Variants in DLG2 observed in about 807,000 individuals in gnomAD.
DLG2 encodes the protein disks large homolog 2.
DLG2 carries 45 observed loss-of-function variants against 132.5 expected under a neutral mutation model. The ratio of observed to expected loss-of-function variants is 0.34; its 90% CI spans 0.27 to 0.44. DLG2 has a LOEUF of 0.44. Among genes scored for constraint, DLG2 ranks in the 20% least tolerant of loss-of-function variants. The pLI is 1.00. For missense variants in DLG2, 1,045 were observed against 1,196.9 expected, an observed-to-expected ratio of 0.87 and a Z score of 1.87; for synonymous variants, 424 against 419.6, an observed-to-expected ratio of 1.01 and a Z score of -0.13.
chr11:85,344,439 TA>T (rs765995435), intron 3 of DLG2, among the ~76,000 whole-genome samples: 4 of 152,146 alleles, frequency 2.6e-5, no homozygotes, highest in African/African-American at 4.8e-5. Flanking sequence ...AAGCCCAACA[TA>T]AAGATACGTG....
intron 7 of DLG2, among the ~76,000 whole-genome samples, chr11:84,520,603 C>A (rs758090929): frequency 2.0e-5 from 3 of 152,166 alleles, no homozygotes; most frequent in Non-Finnish European, 4.4e-5. Context: ...ACCACCCAAC[C>A]CTCACTGCCC....
chr11:83,609,588 T>C (rs1263169077), intron 19 of DLG2, among the ~76,000 whole-genome samples: 1 of 152,240 alleles, frequency 6.6e-6, no homozygotes, highest in East Asian at 1.9e-4. Flanking sequence ...TTTCCCATTA[T>C]TGACAACAAC....
rs573693973 is a variant in DLG2 at position 85,376,922 on chromosome 11, T to A, written c.41-91557A>T. ...GTAAATTTTTTCCAATGGGAAAGAA[T>A]ACCCAAGAAAATAATAACACATGTG... On this transcript the variant is annotated intron_variant, in intron 3 of 27. Transcript: ENST00000376104. Among the ~76,000 whole-genome samples the A allele has an allele frequency of 1.9e-4, 29 of 152,280 alleles. 1 individual carries two copies. Among genetic ancestry groups the A allele is most frequent in the African/African-American group, 5.5e-4 (23 of 41,562 alleles).
rs531882649 is a variant in DLG2 at position 84,573,201 on chromosome 11, G to A, written c.358-38470C>T. Among the ~76,000 whole-genome samples, 5 of 152,150 alleles carry A rather than the reference G, an allele frequency of 3.3e-5. No individual in the cohort carries two copies. The East Asian group carries it at 9.6e-4, about 29-fold the overall frequency. On this transcript the variant is annotated intron_variant, in intron 6 of 27. Coordinates refer to ENST00000376104, the MANE Select transcript of DLG2 (RefSeq NM_001142699.3). The stretch of plus-strand genomic sequence containing the variant: ...TGTGGTAAGTGATTTACAAATGTGT[G>A]AGATAATTTTAGTAGCTAAGTAAAT...
chr11:83,738,016 A>T (rs2092136295), intron 18 of DLG2, among the ~76,000 whole-genome samples: 1 of 152,140 alleles, frequency 6.6e-6, no homozygotes, highest in Non-Finnish European at 1.5e-5. Flanking sequence ...GGAACCCCAG[A>T]GGGAAACAAT....
At chr11:84,104,919 T>C (rs2092800453) in intron 9 of DLG2, among the ~76,000 whole-genome samples, 3 of 152,120 alleles carry the variant, frequency 2.0e-5, no homozygotes, top group Admixed American at 2.0e-4. Context: ...ATTCTCTTTT[T>C]ATATATTAGA....
At chr11:84,725,478 T>C (rs1031671474) in intron 6 of DLG2, among the ~76,000 whole-genome samples, 4 of 152,270 alleles carry the variant, frequency 2.6e-5, no homozygotes, top group East Asian at 1.9e-4. Flanking sequence ...AAGTGGAACA[T>C]TGCATTTTTA....
intron 6 of DLG2, among the ~76,000 whole-genome samples, chr11:84,998,966 A>T (rs2057953917): frequency 6.8e-6 from 1 of 147,408 alleles, no homozygotes; most frequent in African/African-American, 2.5e-5. Flanking sequence ...TTAACTTATT[A>T]TTACAATTAT....
At chr11:83,965,227 A>G in intron 13 of DLG2, 97 bp downstream of exon 13, 1 of 1,333,068 alleles carries the variant, frequency 7.5e-7, no homozygotes, top group Non-Finnish European at 1.0e-6. Context: ...GAAGTTAACC[A>G]AGAGGGAAGG....
intron 7 of DLG2, among the ~76,000 whole-genome samples, chr11:84,460,583 T>A (rs1043422265): frequency 6.6e-6 from 1 of 150,686 alleles, no homozygotes; most frequent in Admixed American, 6.6e-5. Context: ...AGTTGATTAA[T>A]ACATCCATGA....
chr11:84,008,897 C>T (rs914288643), intron 11 of DLG2, among the ~76,000 whole-genome samples: 2 of 150,328 alleles, frequency 1.3e-5, no homozygotes, highest in Admixed American at 1.3e-4. Context: ...CATCTAGTGT[C>T]TGTCTTTATC....
At chr11:85,537,775 A>C (rs1466275860) in intron 3 of DLG2, among the ~76,000 whole-genome samples, 1 of 151,942 alleles carries the variant, frequency 6.6e-6, no homozygotes, top group Non-Finnish European at 1.5e-5. Context: ...AACTCTGGAC[A>C]CATCTGAACA....
At chr11:84,835,039 G>C (rs1954976) in intron 6 of DLG2, among the ~76,000 whole-genome samples, 2 of 151,562 alleles carry the variant, frequency 1.3e-5, no homozygotes. Context: ...CAGTGATACA[G>C]CATGCAGAGT....
chr11:84,077,162 A>G (rs916252217), intron 10 of DLG2, among the ~76,000 whole-genome samples: 1 of 152,126 alleles, frequency 6.6e-6, no homozygotes, highest in Non-Finnish European at 1.5e-5. Flanking sequence ...CTACTGTCCT[A>G]TCTCCTTCCT....
chr11:84,843,670 T>C (rs2080999558), intron 6 of DLG2, among the ~76,000 whole-genome samples: 1 of 151,932 alleles, frequency 6.6e-6, no homozygotes, highest in South Asian at 2.1e-4. Flanking sequence ...AAATCATCTC[T>C]AGGTTACTTA....
chr11:85,135,415 G>A (rs2152420397), intron 5 of DLG2, among the ~76,000 whole-genome samples: 1 of 152,312 alleles, frequency 6.6e-6, no homozygotes, highest in Non-Finnish European at 1.5e-5. Context: ...GGATAGCAGA[G>A]TAAGATGAGT....
At chr11:84,357,288 TC>T (rs1298941401) in intron 7 of DLG2, among the ~76,000 whole-genome samples, 2 of 151,996 alleles carry the variant, frequency 1.3e-5, no homozygotes, top group Non-Finnish European at 2.9e-5. Context: ...ACATTACTGT[TC>T]CTATTTTACA....
intron 14 of DLG2, among the ~76,000 whole-genome samples, chr11:83,946,591 C>T (rs1040702104): frequency 2.1e-5 from 3 of 142,450 alleles, no homozygotes; most frequent in Non-Finnish European, 4.6e-5. Context: ...TCTTTCGGTA[C>T]TATAGAATAC....
At chr11:85,378,150 C>A (rs1458512965) in intron 3 of DLG2, among the ~76,000 whole-genome samples, 1 of 152,028 alleles carries the variant, frequency 6.6e-6, no homozygotes, top group South Asian at 2.1e-4. Context: ...TGTCTTTTTT[C>A]TCTTCCTCCA....
Sources: allele counts gnomAD v4.1 joint callset (sites outside exome capture counted in the v4.1 genomes callset), GRCh38; gene constraint gnomAD v4.1.1; transcripts MANE v1.5; gene names NCBI Gene and HGNC (gene_info 2026-07-23, HGNC 2026-07-21).